The following MAP2K3 variants were observed in gnomAD, a reference collection of about 807,000 sequenced individuals.
MAP2K3 encodes mitogen-activated protein kinase kinase 3, also known as dual specificity mitogen-activated protein kinase kinase 3.
In MAP2K3, 30 loss-of-function variants were observed where a neutral mutation model predicts 46.4. The observed-to-expected ratio is 0.65, with a 90% confidence interval of 0.48 to 0.88. The LOEUF (loss-of-function observed/expected upper bound fraction) is 0.88, where lower values mean the gene tolerates loss of function less well. Ranked by LOEUF, MAP2K3 falls within the 40% of genes least tolerant of loss-of-function variation. The probability of loss-of-function intolerance (pLI) is 0.00; values close to 1 mark genes in which losing one functional copy is unlikely to be tolerated. For synonymous variants in MAP2K3, 189 were observed against 176.3 expected (o/e 1.07, Z -0.57); for missense variants, 380 against 464.5 (o/e 0.82, Z 1.67).
intron 1 of MAP2K3, chr17:21,296,010 G>A (rs1013487709): frequency 4.7e-5 from 60 of 1,277,986 alleles, no homozygotes; most frequent in Admixed American, 4.6e-4. Flanking sequence ...TTCTGGTTAC[G>A]AAAAGCCTGA....
chr17:21,304,421 G>A lies in MAP2K3; in HGVS notation c.569-5G>A, dbSNP rs775522045. 8 of 1,614,178 alleles carry A rather than the reference G, an allele frequency of 5.0e-6. No individual in the cohort carries two copies. In the South Asian group the frequency reaches 8.8e-5, roughly 18 times the overall value. On this transcript the variant is annotated splice_polypyrimidine_tract_variant and splice_region_variant and intron_variant, in intron 7 of 11. Coordinates refer to ENST00000342679, the MANE Select transcript of MAP2K3 (RefSeq NM_145109.3). ...ACGTGGCTGAGGCATGTCCCTCCCT[G>A]GCAGATGTGAAGCCCTCCAATGTCC...
chr17:21,312,356 TC>T, intron 10 of MAP2K3, 75 bp downstream of exon 10: 2 of 1,424,266 alleles, frequency 1.4e-6, no homozygotes, highest in Non-Finnish European at 1.9e-6. Flanking sequence ...TGGGCCCTGT[TC>T]CTTTATTCCT....
intron 3 of MAP2K3, 92 bp downstream of exon 3, chr17:21,299,018 C>CT: frequency 6.4e-7 from 1 of 1,574,444 alleles, no homozygotes; most frequent in Non-Finnish European, 8.7e-7. Context: ...GGGGAGGTGA[C>CT]TGAGGGGTCA....
chr17:21,286,750 T>C (rs1324544816), intron 1 of MAP2K3, among the ~76,000 whole-genome samples: 4 of 152,136 alleles, frequency 2.6e-5, no homozygotes, highest in Non-Finnish European at 4.4e-5. Context: ...AGAGGGGTCA[T>C]AGATGCAGTG....
At chr17:21,285,299 C>T (rs1975694277) in intron 1 of MAP2K3, 2 of 985,134 alleles carry the variant, frequency 2.0e-6, no homozygotes, top group African/African-American at 1.7e-5. Flanking sequence ...CATGAACTCT[C>T]CCAGTCTTCT....
At chr17:21,294,936 A>C (rs1306073095) in intron 1 of MAP2K3, among the ~76,000 whole-genome samples, 1 of 152,310 alleles carries the variant, frequency 6.6e-6, no homozygotes, top group Non-Finnish European at 1.5e-5. Context: ...GAGTGCTCAC[A>C]GGTGACCTGC....
chr17:21,302,494 G>A (rs1345519747), intron 6 of MAP2K3, among the ~76,000 whole-genome samples: 1 of 152,312 alleles, frequency 6.6e-6, no homozygotes, highest in Non-Finnish European at 1.5e-5. Context: ...AGATTTGGCA[G>A]ATCCAGGTGT....
At chr17:21,301,237 G>A (rs1976582400) in intron 5 of MAP2K3, among the ~76,000 whole-genome samples, 1 of 152,310 alleles carries the variant, frequency 6.6e-6, no homozygotes, top group Admixed American at 6.5e-5. Context: ...ACATGGCCTG[G>A]GGCCTGGCAT....
chr17:21,290,838 C>A (rs965217965), intron 1 of MAP2K3, among the ~76,000 whole-genome samples: 6 of 152,308 alleles, frequency 3.9e-5, no homozygotes, highest in African/African-American at 1.2e-4. Flanking sequence ...GTAGTCTCAG[C>A]TACTCAGGAG....
intron 1 of MAP2K3, chr17:21,287,991 G>A: frequency 7.8e-7 from 1 of 1,281,450 alleles, no homozygotes. Flanking sequence ...TGACGCACAG[G>A]AAACTCTCTG....
chr17:21,306,553 C>A (rs1976899526), intron 9 of MAP2K3, among the ~76,000 whole-genome samples: 1 of 152,302 alleles, frequency 6.6e-6, no homozygotes, highest in African/African-American at 2.4e-5. Flanking sequence ...GTGGCACAAT[C>A]TTAGCTCACC....
At position 21,314,559 on chromosome 17, in the gene MAP2K3, G is replaced by A. The variant is rs2363187; in HGVS notation, c.*329G>A. ...GCTGCCCCTGCACAGCAGGCTGCCAGTGCCTGGGTGGATGGGCCACCGCCT... is the reference window on the plus strand; with the variant it reads ...GCTGCCCCTGCACAGCAGGCTGCCAATGCCTGGGTGGATGGGCCACCGCCT... On this transcript the variant is annotated 3_prime_UTR_variant, in exon 12 of 12. Coordinates refer to ENST00000342679, the MANE Select transcript of MAP2K3 (RefSeq NM_145109.3). The A allele has an allele frequency of 9.1e-6, 3 of 328,470 alleles. No homozygotes were observed. The highest frequency in any genetic ancestry group is 1.1e-5 in the Non-Finnish European group (2 of 175,334). The allele number at this position is 328,470 out of a possible 1,614,324, so 20.3% of individuals were successfully genotyped here.
intron 1 of MAP2K3, among the ~76,000 whole-genome samples, chr17:21,291,954 G>A (rs1975962239): frequency 2.0e-5 from 3 of 152,312 alleles, no homozygotes; most frequent in African/African-American, 4.8e-5. Flanking sequence ...CTTGCACAGA[G>A]AGGGAGTGTG....
chr17:21,289,147 C>T (rs1975809774), intron 1 of MAP2K3, among the ~76,000 whole-genome samples: 1 of 152,210 alleles, frequency 6.6e-6, no homozygotes, highest in Admixed American at 6.5e-5. Flanking sequence ...TCCTTTCACG[C>T]AGGCCAGAAT....
At chr17:21,301,076 G>C in intron 5 of MAP2K3, 83 bp downstream of exon 5, 1 of 1,606,142 alleles carries the variant, frequency 6.2e-7, no homozygotes, top group Non-Finnish European at 8.5e-7. Context: ...AGTCCCTCCA[G>C]TACGCCAGGT....
rs1210989407 is a variant in MAP2K3, at chr17:21,284,932, C to T, written c.12C>T (p.Pro4=). 7 of 1,611,944 alleles carry T rather than the reference C, an allele frequency of 4.3e-6. No individual in the cohort carries two copies. The highest frequency in any genetic ancestry group is 5.1e-6 in the Non-Finnish European group (6 of 1,179,650). ...GACCCACTTGCAGCATGGAGTCGCC[C>T]GCCTCGAGCCAGCCCGCCAGCATGC... The part of the protein sequence containing the change: MES[P]ASSQPASMPQ... Residue 4 remains proline (P), a synonymous_variant, in exon 1 of 12, where the codon CCC becomes CCT. Transcript: ENST00000342679.
intron 1 of MAP2K3, among the ~76,000 whole-genome samples, chr17:21,287,356 A>G (rs1025642751): frequency 2.6e-5 from 4 of 152,242 alleles, no homozygotes; most frequent in Non-Finnish European, 5.9e-5. Flanking sequence ...GAGTGGCCGG[A>G]CTGCCCCCAT....
chr17:21,298,557 A>G, intron 2 of MAP2K3, 78 bp downstream of exon 2: 1 of 1,610,566 alleles, frequency 6.2e-7, no homozygotes, highest in Non-Finnish European at 8.5e-7. Context: ...AGTGAGAGGC[A>G]GGTGGGGCCA....
chr17:21,285,188 A>C, intron 1 of MAP2K3: 7 of 961,676 alleles, frequency 7.3e-6, no homozygotes, highest in Non-Finnish European at 7.4e-6. Flanking sequence ...CAGGCCCGAG[A>C]TCACCCAGGC....
Sources: gnomAD v4.1 joint callset for allele counts (sites outside exome capture counted in the v4.1 genomes callset) on GRCh38, gnomAD v4.1.1 for gene constraint, MANE v1.5 for transcripts, NCBI Gene and HGNC (gene_info 2026-07-23, HGNC 2026-07-21) for gene names.